CNTN5: variants seen among roughly 807,000 people sequenced by gnomAD.
CNTN5 encodes the protein contactin 5.
In CNTN5, 77 loss-of-function variants were observed where a neutral mutation model predicts 129.1. The ratio of observed to expected loss-of-function variants is 0.60; its 90% CI spans 0.50 to 0.72. The LOEUF is 0.72. Among genes scored for constraint, CNTN5 ranks in the 30% least tolerant of loss-of-function variants. The probability of loss-of-function intolerance (pLI) is 0.00; values close to 1 mark genes in which losing one functional copy is unlikely to be tolerated. For missense variants in CNTN5, 1,478 were observed against 1,328.8 expected, an observed-to-expected ratio of 1.11 and a Z score of -1.75; for synonymous variants, 509 against 465.6, an observed-to-expected ratio of 1.09 and a Z score of -1.20.
At chr11:99,949,176 CCTCTT>C (rs1950617690) in intron 7 of CNTN5, among the ~76,000 whole-genome samples, 1 of 152,108 alleles carries the variant, frequency 6.6e-6, no homozygotes. Context: ...ATCTGAGAGT[CCTCTT>C]CACTGACTCT....
chr11:99,683,544 TAATA>T (rs966283124), intron 3 of CNTN5, among the ~76,000 whole-genome samples: 11 of 152,052 alleles, frequency 7.2e-5, no homozygotes, highest in Admixed American at 2.6e-4. Context: ...TGTGCCTTTA[TAATA>T]AATCTTTTTA....
At chr11:100,089,094 A>T (rs1404508893) in intron 13 of CNTN5, among the ~76,000 whole-genome samples, 1 of 152,100 alleles carries the variant, frequency 6.6e-6, no homozygotes, top group Non-Finnish European at 1.5e-5. Context: ...AAATCAATAA[A>T]TGTGATTCAT....
At chr11:99,624,159 T>A (rs964396052) in intron 3 of CNTN5, among the ~76,000 whole-genome samples, 1 of 152,064 alleles carries the variant, frequency 6.6e-6, no homozygotes, top group African/African-American at 2.4e-5. Flanking sequence ...TACTGTGTCC[T>A]TAGGAATACT....
At chr11:99,606,778 C>G (rs1950431345) in intron 3 of CNTN5, among the ~76,000 whole-genome samples, 2 of 142,370 alleles carry the variant, frequency 1.4e-5, no homozygotes, top group South Asian at 4.7e-4. Flanking sequence ...GAACAGAGCC[C>G]TCAGAAATAA....
chr11:99,449,264 T>C (rs1330985664), intron 2 of CNTN5, among the ~76,000 whole-genome samples: 1 of 152,182 alleles, frequency 6.6e-6, no homozygotes, highest in Non-Finnish European at 1.5e-5. Flanking sequence ...TCACAGAAAG[T>C]TCATGGATAA....
At chr11:99,846,357 CAA>C (rs35705639) in intron 6 of CNTN5, among the ~76,000 whole-genome samples, 16 of 61,418 alleles carry the variant, frequency 2.6e-4, no homozygotes, top group South Asian at 2.2e-3. Flanking sequence ...GGATCTGTCT[CAA>C]AAAAAAAAAA....
chr11:100,128,893 G>A (rs1161789725), intron 13 of CNTN5, among the ~76,000 whole-genome samples: 1 of 151,034 alleles, frequency 6.6e-6, no homozygotes. Flanking sequence ...ATCTGAATTT[G>A]CATAATACTA....
intron 8 of CNTN5, among the ~76,000 whole-genome samples, chr11:100,000,418 G>T (rs1322648940): frequency 1.3e-5 from 2 of 152,198 alleles, no homozygotes; most frequent in African/African-American, 4.8e-5. Context: ...TTGACTCCAT[G>T]TCTCACATGT....
At chr11:99,267,040 A>G (rs890570149) in intron 1 of CNTN5, among the ~76,000 whole-genome samples, 6 of 152,066 alleles carry the variant, frequency 3.9e-5, no homozygotes, top group African/African-American at 1.4e-4. Flanking sequence ...AGGCTTTAAA[A>G]AAAAAGGTTG....
intron 2 of CNTN5, among the ~76,000 whole-genome samples, chr11:99,523,680 A>G (rs1221820918): frequency 1.3e-5 from 1 of 77,592 alleles, no homozygotes; most frequent in Non-Finnish European, 2.5e-5. Context: ...AGAACAGAAC[A>G]GAACAGAACA....
chr11:99,227,469 T>C (rs1166517099), intron 1 of CNTN5, among the ~76,000 whole-genome samples: 2 of 152,072 alleles, frequency 1.3e-5, no homozygotes, highest in African/African-American at 4.8e-5. Context: ...AGCTAAAAAC[T>C]CTTCAACTCA....
intron 2 of CNTN5, among the ~76,000 whole-genome samples, chr11:99,542,182 G>A (rs1948140740): frequency 6.6e-6 from 1 of 151,868 alleles, no homozygotes; most frequent in Admixed American, 6.6e-5. Context: ...CTTCTTTGTA[G>A]TAAGAACATT....
At chr11:99,048,363 C>T (rs1347107361) in intron 1 of CNTN5, among the ~76,000 whole-genome samples, 2 of 152,080 alleles carry the variant, frequency 1.3e-5, no homozygotes, top group Non-Finnish European at 2.9e-5. Context: ...TCAATCACTG[C>T]AAACAAAACA....
intron 1 of CNTN5, among the ~76,000 whole-genome samples, chr11:99,065,998 T>A (rs1188836548): frequency 1.3e-5 from 1 of 74,990 alleles, no homozygotes; most frequent in South Asian, 4.4e-4. Flanking sequence ...GACTGTGGAA[T>A]TTTTTATAAA....
chr11:99,641,545 C>T (rs966644738), intron 3 of CNTN5, among the ~76,000 whole-genome samples: 2 of 152,038 alleles, frequency 1.3e-5, no homozygotes, highest in African/African-American at 4.8e-5. Flanking sequence ...AATGGCAAGC[C>T]ACCCCATCTT....
intron 13 of CNTN5, among the ~76,000 whole-genome samples, chr11:100,184,201 A>G (rs533415103): frequency 6.6e-6 from 1 of 152,176 alleles, no homozygotes; most frequent in African/African-American, 2.4e-5. Context: ...TTTAATGTAT[A>G]TCACATGCCA....
At chr11:100,094,835 AATC>A (rs1484359591) in intron 13 of CNTN5, among the ~76,000 whole-genome samples, 4 of 151,286 alleles carry the variant, frequency 2.6e-5, no homozygotes, top group Admixed American at 6.6e-5. Context: ...AGGAGAAAAA[AATC>A]ATCATTATTC....
At chr11:99,533,426 T>G (rs1276665562) in intron 2 of CNTN5, among the ~76,000 whole-genome samples, 2 of 152,250 alleles carry the variant, frequency 1.3e-5, no homozygotes, top group Non-Finnish European at 2.9e-5. Flanking sequence ...GTATTTTGAT[T>G]GGTCAATGTA....
chr11:99,262,049 C>T (rs575976906), intron 1 of CNTN5, among the ~76,000 whole-genome samples: 1 of 152,140 alleles, frequency 6.6e-6, no homozygotes, highest in Admixed American at 6.6e-5. Context: ...TTAAACCATA[C>T]TGGTGATCAT....
Sources: allele counts gnomAD v4.1 joint callset (sites outside exome capture counted in the v4.1 genomes callset), GRCh38; gene constraint gnomAD v4.1.1; transcripts MANE v1.5; gene names NCBI Gene and HGNC (gene_info 2026-07-23, HGNC 2026-07-21).